OTULIN: variants seen among roughly 807,000 people sequenced by gnomAD.
OTULIN encodes the protein ubiquitin thioesterase otulin.
OTULIN carries 15 observed loss-of-function variants against 39.6 expected under a neutral mutation model. The observed-to-expected ratio is 0.38, with a 90% confidence interval of 0.25 to 0.58. The LOEUF is 0.58. Among genes scored for constraint, OTULIN ranks in the 20% least tolerant of loss-of-function variants. The probability of loss-of-function intolerance (pLI) is 0.66; values close to 1 mark genes in which losing one functional copy is unlikely to be tolerated. For missense variants in OTULIN, 319 were observed against 445.9 expected (o/e 0.72, Z 2.56); for synonymous variants, 156 against 170.3 (o/e 0.92, Z 0.65).
At position 14,694,678 on chromosome 5, in the gene OTULIN, T is replaced by C. The variant is rs893242050; in HGVS notation, c.*1630T>C. The C allele has an allele frequency of 6.5e-6, 1 of 152,688 alleles. No individual in the cohort carries two copies. Among genetic ancestry groups the C allele is most frequent in the African/African-American group, 2.4e-5 (1 of 41,474 alleles). 9.5% of individuals were successfully genotyped at this position (152,688 alleles called of 1,614,324 possible). ...TTCTCCCATTACCTCATCAGTAATA[T>C]TCACCACATTTTGCTAAATATTTAT... On this transcript the variant is annotated 3_prime_UTR_variant, in exon 7 of 7. Coordinates refer to ENST00000284274, the MANE Select transcript of OTULIN (RefSeq NM_138348.6).
intron 4 of OTULIN, among the ~76,000 whole-genome samples, chr5:14,684,775 C>G (rs1308627725): frequency 1.3e-5 from 2 of 152,320 alleles, no homozygotes; most frequent in East Asian, 3.9e-4. Context: ...GCTGGGAAAG[C>G]TAGACTGAGT....
downstream of OTULIN, among the ~76,000 whole-genome samples, chr5:14,704,190 C>T (rs1393330316): frequency 6.6e-6 from 1 of 151,742 alleles, no homozygotes; most frequent in Non-Finnish European, 1.5e-5. Context: ...ATTAGCTGGG[C>T]GTGGTGACGT....
chr5:14,692,746 T>C (rs893476253), intron 6 of OTULIN, 108 bp from the exon 7 acceptor site: 2 of 861,670 alleles, frequency 2.3e-6, no homozygotes, highest in Non-Finnish European at 3.6e-6. Flanking sequence ...GAAAAAACGT[T>C]GTGGCTTCAC....
chr5:14,681,315 T>C, intron 3 of OTULIN, 149 bp from the exon 4 acceptor site: 1 of 812,178 alleles, frequency 1.2e-6, no homozygotes, highest in Non-Finnish European at 1.9e-6. Context: ...GAGTAAGTGT[T>C]AAAACAATTG....
the OTULIN span, among the ~76,000 whole-genome samples, chr5:14,712,042 C>T: frequency 2.6e-5 from 4 of 152,220 alleles, no homozygotes; most frequent in Non-Finnish European, 4.4e-5. Flanking sequence ...GCTTACATGA[C>T]ATGCTCAGTA....
chr5:14,666,365 C>T (rs1735844493), intron 1 of OTULIN, among the ~76,000 whole-genome samples: 1 of 152,156 alleles, frequency 6.6e-6, no homozygotes, highest in African/African-American at 2.4e-5. Context: ...CCTCTTCTGT[C>T]TGCTGCTAGT....
chr5:14,710,164 C>A, the OTULIN span: 1 of 152,134 alleles, frequency 6.6e-6, no homozygotes, highest in Admixed American at 6.5e-5. Context: ...TTACCTGTAC[C>A]GCAGAGTTAT....
chr5:14,673,782 C>T, intron 2 of OTULIN, 64 bp downstream of exon 2: 1 of 1,341,500 alleles, frequency 7.5e-7, no homozygotes, highest in Non-Finnish European at 1.1e-6. Flanking sequence ...GCAGTTAAAT[C>T]CGTATAACCA....
the OTULIN span, among the ~76,000 whole-genome samples, chr5:14,712,577 A>G: frequency 1.3e-5 from 2 of 152,240 alleles, no homozygotes; most frequent in African/African-American, 4.8e-5. Flanking sequence ...AAAGCAAGCC[A>G]TAGGCTGAAT....
intron 1 of OTULIN, among the ~76,000 whole-genome samples, chr5:14,670,635 C>G (rs1735957192): frequency 1.3e-5 from 2 of 152,150 alleles, no homozygotes; most frequent in South Asian, 4.1e-4. Flanking sequence ...GACAGGGTCT[C>G]ACTCTATTGC....
chr5:14,678,150 C>T (rs1162863080), intron 2 of OTULIN, among the ~76,000 whole-genome samples: 4 of 152,130 alleles, frequency 2.6e-5, no homozygotes, highest in African/African-American at 4.8e-5. Context: ...CAAAAGTGTA[C>T]GTGATACTAT....
At chr5:14,704,675 T>C (rs1488715407), downstream of OTULIN, 1 of 152,164 alleles carries the variant, frequency 6.6e-6, no homozygotes, top group East Asian at 1.9e-4. Context: ...GGGCAAAATG[T>C]TAATCTCTCA....
At chr5:14,677,214 C>G (rs1162221519) in intron 2 of OTULIN, among the ~76,000 whole-genome samples, 2 of 152,106 alleles carry the variant, frequency 1.3e-5, no homozygotes, top group African/African-American at 4.8e-5. Context: ...ACCCATCACA[C>G]CCTGGTTTAT....
the OTULIN span, among the ~76,000 whole-genome samples, chr5:14,714,620 TA>T: frequency 6.6e-6 from 1 of 152,176 alleles, no homozygotes; most frequent in African/African-American, 2.4e-5. Flanking sequence ...GTGGAAGCCT[TA>T]TATTAATACT....
intron 2 of OTULIN, among the ~76,000 whole-genome samples, chr5:14,674,504 C>A (rs189802095): frequency 3.3e-5 from 5 of 152,306 alleles, no homozygotes; most frequent in Admixed American, 2.0e-4. Context: ...GCCCGTAATC[C>A]CAGCACTTGG....
chr5:14,665,663 C>T (rs1427118144), intron 1 of OTULIN, among the ~76,000 whole-genome samples: 1 of 151,958 alleles, frequency 6.6e-6, no homozygotes, highest in Non-Finnish European at 1.5e-5. Context: ...CTATAAATGC[C>T]CTTGGAATTT....
At chr5:14,709,836 T>TTGAAAA in the OTULIN span, 1 of 152,668 alleles carries the variant, frequency 6.6e-6, no homozygotes, top group Admixed American at 6.5e-5. Flanking sequence ...AGACATTTTA[T>TTGAAAA]TGAAAATGCG....
intron 1 of OTULIN, among the ~76,000 whole-genome samples, chr5:14,668,665 C>G (rs2126812346): frequency 6.6e-6 from 1 of 152,280 alleles, no homozygotes; most frequent in South Asian, 2.1e-4. Context: ...TAAAAAAAGC[C>G]ATACTTAGTT....
chr5:14,686,954 A>G (rs1001313340), intron 4 of OTULIN, among the ~76,000 whole-genome samples: 4 of 152,276 alleles, frequency 2.6e-5, no homozygotes, highest in Non-Finnish European at 5.9e-5. Context: ...TTAGATAGTT[A>G]AACTAGACAT....
Sources: gnomAD v4.1 joint callset for allele counts (sites outside exome capture counted in the v4.1 genomes callset) on GRCh38, gnomAD v4.1.1 for gene constraint, MANE v1.5 for transcripts, NCBI Gene and HGNC (gene_info 2026-07-23, HGNC 2026-07-21) for gene names.